RBFOX3: variants seen among roughly 807,000 people sequenced by gnomAD.
RBFOX3 encodes the protein RNA binding protein fox-1 homolog 3.
In RBFOX3, 17 loss-of-function variants were observed where a neutral mutation model predicts 48.7. That is an observed-to-expected ratio of 0.35 (90% CI 0.24 to 0.52). The LOEUF is 0.52. RBFOX3 is among the 20% of genes least tolerant of loss of function. The pLI, the probability that RBFOX3 is intolerant of heterozygous loss-of-function variation, is 0.94. For missense variants in RBFOX3, 382 were observed against 497.5 expected (o/e 0.77, Z 2.21); for synonymous variants, 212 against 209.5 (o/e 1.01, Z -0.10).
intron 2 of RBFOX3, among the ~76,000 whole-genome samples, chr17:79,369,014 C>T (rs923310989): frequency 2.0e-5 from 3 of 152,164 alleles, no homozygotes; most frequent in African/African-American, 7.2e-5. Flanking sequence ...TGCTATCCAG[C>T]CCACGGCCCA....
At chr17:79,208,818 CTT>C (rs534953126) in intron 4 of RBFOX3, among the ~76,000 whole-genome samples, 1 of 146,878 alleles carries the variant, frequency 6.8e-6, no homozygotes. Context: ...TTCTCTCTTT[CTT>C]TTTTTTTTTG....
chr17:79,109,455 T>G (rs974588504), intron 5 of RBFOX3, among the ~76,000 whole-genome samples: 1 of 152,230 alleles, frequency 6.6e-6, no homozygotes, highest in Non-Finnish European at 1.5e-5. Flanking sequence ...GAACTGGAGA[T>G]GCCCAGCAGC....
At chr17:79,152,191 G>A (rs981181373) in intron 4 of RBFOX3, among the ~76,000 whole-genome samples, 1 of 152,034 alleles carries the variant, frequency 6.6e-6, no homozygotes, top group Non-Finnish European at 1.5e-5. Context: ...GAGCCCCAGA[G>A]GGCTCTGTCC....
At chr17:79,278,285 G>A (rs2069400820) in intron 3 of RBFOX3, among the ~76,000 whole-genome samples, 1 of 152,210 alleles carries the variant, frequency 6.6e-6, no homozygotes. Flanking sequence ...ATAGGATCAC[G>A]AGAAAGAGGG....
chr17:79,537,035 A>C (rs1376691881), intron 1 of RBFOX3, among the ~76,000 whole-genome samples: 1 of 152,036 alleles, frequency 6.6e-6, no homozygotes, highest in East Asian at 1.9e-4. Context: ...CAATGAGCTG[A>C]GATCACACCA....
In RBFOX3 at chr17:79,322,686, C is replaced by T. The variant is rs1040302146; in HGVS notation, c.-174-14862G>A. 1.3e-4 allele frequency among the ~76,000 whole-genome samples: 20 copies of T among 152,266 alleles called. 1 individual carries two copies. The highest frequency in any genetic ancestry group is 2.6e-4 in the African/African-American group (11 of 41,552). ...GGGACTCCTAGGCAGGGGTTGAGGA[C>T]GGACCAAGCAGCTTCTAGGGGTCTG... On this transcript the variant is annotated intron_variant, in intron 2 of 14. Coordinates refer to ENST00000693108, the MANE Select transcript of RBFOX3 (RefSeq NM_001350451.2).
At chr17:79,281,046 G>T (rs939491340) in intron 3 of RBFOX3, among the ~76,000 whole-genome samples, 1 of 152,236 alleles carries the variant, frequency 6.6e-6, no homozygotes, top group African/African-American at 2.4e-5. Context: ...ACCCCCACTG[G>T]CAGGTGGCAG....
At chr17:79,582,459 T>C (rs1280953241) in intron 1 of RBFOX3, among the ~76,000 whole-genome samples, 2 of 152,182 alleles carry the variant, frequency 1.3e-5, no homozygotes, top group Non-Finnish European at 2.9e-5. Flanking sequence ...CCCTGATGAC[T>C]TGGGGAAGGG....
chr17:79,399,888 G>A (rs985859326), intron 2 of RBFOX3, among the ~76,000 whole-genome samples: 1 of 152,196 alleles, frequency 6.6e-6, no homozygotes, highest in African/African-American at 2.4e-5. Flanking sequence ...GGCTAGTGCA[G>A]GACAGTCTAA....
intron 1 of RBFOX3, among the ~76,000 whole-genome samples, chr17:79,555,490 A>G (rs1220542724): frequency 4.9e-4 from 55 of 112,636 alleles, no homozygotes; most frequent in African/African-American, 1.6e-3. Context: ...GGTGGTGATG[A>G]CAGTGGTGGT....
At chr17:79,104,241 C>T (rs1439171457) in intron 6 of RBFOX3, 115 bp from the exon 7 acceptor site, 28 of 973,644 alleles carry the variant, frequency 2.9e-5, no homozygotes, top group Admixed American at 6.3e-5. Flanking sequence ...CTGCCCTCGG[C>T]CCCCAGCTTG....
At position 79,532,898 on chromosome 17, in the gene RBFOX3, C is replaced by A. The variant is rs543856549; in HGVS notation, c.-319-50300G>T. On this transcript the variant is annotated intron_variant, in intron 1 of 14. Transcript: ENST00000693108. ...TGGCCCCTGTCGAAACTGCTCTCAG[C>A]AGGTAGGAGTTTGATGTCAGCTGAC... Among the ~76,000 whole-genome samples, 3 of 152,288 alleles carry A rather than the reference C, an allele frequency of 2.0e-5. No individual in the cohort carries two copies. In the East Asian group the frequency reaches 5.8e-4, roughly 29 times the overall value.
the RBFOX3 span, among the ~76,000 whole-genome samples, chr17:79,627,092 C>T: frequency 6.6e-6 from 1 of 152,226 alleles, no homozygotes; most frequent in African/African-American, 2.4e-5. Flanking sequence ...GATTTGCCAA[C>T]AGCCACACAC....
At chr17:79,647,970 T>A in the RBFOX3 span, among the ~76,000 whole-genome samples, 837 of 150,524 alleles carry the variant, frequency 5.6e-3, 10 homozygotes, top group African/African-American at 0.02. Flanking sequence ...AGAGCCCACC[T>A]GGGGGTGCAG....
chr17:79,287,051 C>G lies in RBFOX3; in HGVS notation c.-74+20673G>C, dbSNP rs59570271. 2.4e-3 allele frequency among the ~76,000 whole-genome samples: 360 copies of G among 152,362 alleles called. 2 individuals are homozygous for G. Among genetic ancestry groups the G allele is most frequent in the African/African-American group, 7.7e-3 (322 of 41,596 alleles). On this transcript the variant is annotated intron_variant, in intron 3 of 14. Coordinates refer to ENST00000693108, the MANE Select transcript of RBFOX3 (RefSeq NM_001350451.2). The stretch of plus-strand genomic sequence containing the variant: ...ACATCACAGCGGCCCTGACGCAGCT[C>G]GAGGGGCTCACACCGGGGCAAGCAG...
At chr17:79,414,925 C>T (rs563598292) in intron 2 of RBFOX3, among the ~76,000 whole-genome samples, 135 of 152,314 alleles carry the variant, frequency 8.9e-4, no homozygotes, top group Middle Eastern at 3.4e-3. Flanking sequence ...CGGGAGGGGC[C>T]GTCGCAGTCC....
chr17:79,105,771 G>T (rs2077242206), intron 6 of RBFOX3, among the ~76,000 whole-genome samples: 1 of 152,186 alleles, frequency 6.6e-6, no homozygotes, highest in Admixed American at 6.5e-5. Context: ...CAGCAGAGGT[G>T]GGGTGGGCAC....
At chr17:79,141,559 T>C (rs1599638380) in intron 4 of RBFOX3, among the ~76,000 whole-genome samples, 2 of 150,532 alleles carry the variant, frequency 1.3e-5, no homozygotes, top group African/African-American at 2.5e-5. Flanking sequence ...GAGGGTCAGG[T>C]GGTTGGGGTG....
intron 1 of RBFOX3, among the ~76,000 whole-genome samples, chr17:79,544,788 C>T (rs1212823286): frequency 5.3e-5 from 8 of 151,892 alleles, no homozygotes; most frequent in African/African-American, 1.9e-4. Flanking sequence ...TGAGCAGCAC[C>T]GCCCTCCCCC....
Sources: gnomAD v4.1 joint callset for allele counts (sites outside exome capture counted in the v4.1 genomes callset) on GRCh38, gnomAD v4.1.1 for gene constraint, MANE v1.5 for transcripts, NCBI Gene and HGNC (gene_info 2026-07-23, HGNC 2026-07-21) for gene names.